The following CCSER1 variants were observed in gnomAD, a reference collection of about 807,000 sequenced individuals.
CCSER1 encodes the protein serine-rich coiled-coil domain-containing protein 1.
CCSER1 carries 41 observed loss-of-function variants against 82.0 expected under a neutral mutation model. The ratio of observed to expected loss-of-function variants is 0.50; its 90% CI spans 0.39 to 0.65. The LOEUF (loss-of-function observed/expected upper bound fraction) is 0.65. Ranked by LOEUF, CCSER1 falls within the 30% of genes least tolerant of loss-of-function variation. The pLI is 0.00. For synonymous variants in CCSER1, 414 were observed against 383.9 expected (o/e 1.08, Z -0.92); for missense variants, 1,119 against 1,064.2 (o/e 1.05, Z -0.72).
intron 10 of CCSER1, among the ~76,000 whole-genome samples, chr4:91,151,268 T>G (rs944302180): frequency 6.6e-6 from 1 of 152,196 alleles, no homozygotes; most frequent in African/African-American, 2.4e-5. Flanking sequence ...GAGGTGCTTA[T>G]AGTATTCTCT....
chr4:90,391,601 A>C (rs762298136), intron 3 of CCSER1, among the ~76,000 whole-genome samples: 1 of 149,364 alleles, frequency 6.7e-6, no homozygotes, highest in Non-Finnish European at 1.5e-5. Flanking sequence ...TTTTAACTAG[A>C]GTGAGATCGT....
intron 10 of CCSER1, among the ~76,000 whole-genome samples, chr4:91,309,018 A>G (rs1024704483): frequency 6.6e-6 from 1 of 151,974 alleles, no homozygotes; most frequent in Non-Finnish European, 1.5e-5. Context: ...TACCTTTTTT[A>G]AGGACACTTT....
At chr4:90,629,392 A>G (rs1050282380) in intron 6 of CCSER1, among the ~76,000 whole-genome samples, 8 of 152,188 alleles carry the variant, frequency 5.3e-5, no homozygotes, top group African/African-American at 1.9e-4. Context: ...AGGCCTGACA[A>G]TCACAGCAGA....
chr4:91,576,095 A>G (rs1763439973), intron 10 of CCSER1, among the ~76,000 whole-genome samples: 1 of 152,020 alleles, frequency 6.6e-6, no homozygotes, highest in South Asian at 2.1e-4. Flanking sequence ...AGATATGGAA[A>G]TAACCTAAAT....
chr4:90,159,792 A>C (rs1729086799), intron 1 of CCSER1, among the ~76,000 whole-genome samples: 1 of 152,216 alleles, frequency 6.6e-6, no homozygotes, highest in East Asian at 1.9e-4. Context: ...CTTGACATAC[A>C]GATTGACATA....
chr4:90,362,254 A>G (rs1473811905), intron 3 of CCSER1, among the ~76,000 whole-genome samples: 1 of 152,182 alleles, frequency 6.6e-6, no homozygotes, highest in Non-Finnish European at 1.5e-5. Flanking sequence ...GTAAAATCTC[A>G]CAACCTTTAC....
intron 6 of CCSER1, among the ~76,000 whole-genome samples, chr4:90,666,187 A>G (rs574106351): frequency 6.6e-6 from 1 of 152,214 alleles, no homozygotes; most frequent in East Asian, 1.9e-4. Flanking sequence ...TTTGCTCTTC[A>G]AAGTTTATAT....
Position 90,923,520 on chromosome 4 carries a change from G to A in CCSER1, c.2172+73G>A, listed in dbSNP as rs756398532. ...ACCTCCACAGCTTATTGACCTCTGC[G>A]GCTGCTGTGTCCATGCATTGATTTA... On this transcript the variant is annotated intron_variant, in intron 9 of 10. Coordinates refer to ENST00000509176, the MANE Select transcript of CCSER1 (RefSeq NM_001145065.2). 23 of 998,060 alleles carry A rather than the reference G, an allele frequency of 2.3e-5. No homozygotes were observed. The Middle Eastern group carries it at 6.1e-4, about 27-fold the overall frequency. 61.8% of individuals were successfully genotyped at this position (998,060 alleles called of 1,614,324 possible).
chr4:90,346,732 A>G (rs576142083), intron 3 of CCSER1, among the ~76,000 whole-genome samples: 2 of 152,236 alleles, frequency 1.3e-5, no homozygotes, highest in African/African-American at 4.8e-5. Context: ...GTATGTACAT[A>G]AGTACTGGTT....
intron 10 of CCSER1, among the ~76,000 whole-genome samples, chr4:91,172,377 A>T (rs1264706829): frequency 2.0e-5 from 3 of 152,188 alleles, no homozygotes; most frequent in Non-Finnish European, 4.4e-5. Context: ...GCATTGATGG[A>T]AAGGCATTCT....
intron 5 of CCSER1, among the ~76,000 whole-genome samples, chr4:90,540,539 G>A (rs1775977209): frequency 6.6e-6 from 1 of 152,078 alleles, no homozygotes; most frequent in African/African-American, 2.4e-5. Context: ...ACCTTTGCTT[G>A]CAAATTATTT....
intron 3 of CCSER1, among the ~76,000 whole-genome samples, chr4:90,399,011 T>TAGG (rs1265760181): frequency 1.3e-5 from 2 of 152,172 alleles, no homozygotes; most frequent in African/African-American, 4.8e-5. Context: ...AACATTCGAA[T>TAGG]TAGCTGAAAA....
intron 10 of CCSER1, among the ~76,000 whole-genome samples, chr4:91,229,541 T>C (rs1198335540): frequency 6.6e-6 from 1 of 152,122 alleles, no homozygotes; most frequent in Non-Finnish European, 1.5e-5. Flanking sequence ...CACATGTATG[T>C]TTATTGCGGC....
intron 7 of CCSER1, among the ~76,000 whole-genome samples, chr4:90,771,288 ATAT>A (rs1245256153): frequency 6.6e-6 from 1 of 152,032 alleles, no homozygotes; most frequent in Non-Finnish European, 1.5e-5. Flanking sequence ...CTTATAAAAT[ATAT>A]TATTCTAAGA....
intron 1 of CCSER1, among the ~76,000 whole-genome samples, chr4:90,298,291 G>A (rs1042711927): frequency 1.3e-5 from 2 of 152,110 alleles, no homozygotes; most frequent in African/African-American, 2.4e-5. Flanking sequence ...AGGGGTGTTT[G>A]TAGTATTATC....
chr4:91,039,273 G>T (rs1741716130), intron 9 of CCSER1, among the ~76,000 whole-genome samples: 1 of 151,168 alleles, frequency 6.6e-6, no homozygotes, highest in Non-Finnish European at 1.5e-5. Flanking sequence ...AAACTCTTGT[G>T]CTCAAGTGAT....
intron 3 of CCSER1, among the ~76,000 whole-genome samples, chr4:90,320,736 A>G (rs1363710868): frequency 6.6e-6 from 1 of 151,990 alleles, no homozygotes; most frequent in South Asian, 2.1e-4. Context: ...TATTCCATTC[A>G]TTTTTGTCTT....
rs1553921462 is a variant in CCSER1, at chr4:91,296,483, A to ATTTT, written c.2217+210490_2217+210491insTTTT. 2.4e-5 allele frequency among the ~76,000 whole-genome samples: 3 copies of ATTTT among 124,048 alleles called. No homozygotes were observed. In the East Asian group the frequency reaches 6.4e-4, roughly 26 times the overall value. The allele number at this position is 124,048 out of a possible 152,430, so 81.4% of individuals were successfully genotyped here. ...TATATATATGTATATATATATATAT[A>ATTTT]TATTTTAATTAAATATACAGTTATC... On this transcript the variant is annotated intron_variant, in intron 10 of 10. Coordinates refer to ENST00000509176, the MANE Select transcript of CCSER1 (RefSeq NM_001145065.2).
At chr4:90,996,422 T>G (rs1737500157) in intron 9 of CCSER1, among the ~76,000 whole-genome samples, 1 of 152,148 alleles carries the variant, frequency 6.6e-6, no homozygotes, top group Admixed American at 6.6e-5. Context: ...TTCCATTTAT[T>G]TATTATTTCT....
Sources: allele counts gnomAD v4.1 joint callset (sites outside exome capture counted in the v4.1 genomes callset), GRCh38; gene constraint gnomAD v4.1.1; transcripts MANE v1.5; gene names NCBI Gene and HGNC (gene_info 2026-07-23, HGNC 2026-07-21).